Variants in SYN3 observed in about 807,000 individuals in gnomAD.
SYN3 encodes the protein synapsin III.
SYN3 carries 35 observed loss-of-function variants against 65.8 expected under a neutral mutation model. The ratio of observed to expected loss-of-function variants is 0.53; its 90% CI spans 0.41 to 0.70. SYN3 has a LOEUF of 0.70. Among genes scored for constraint, SYN3 ranks in the 30% least tolerant of loss-of-function variants. The pLI is 0.00. For synonymous variants in SYN3, 270 were observed against 292.9 expected (o/e 0.92, Z 0.80); for missense variants, 680 against 749.0 (o/e 0.91, Z 1.08).
chr22:32,921,104 T>C (rs2050324186), intron 4 of SYN3, among the ~76,000 whole-genome samples: 1 of 152,148 alleles, frequency 6.6e-6, no homozygotes, highest in Non-Finnish European at 1.5e-5. Flanking sequence ...CTCCATAAGT[T>C]GCCCCTTCCT....
chr22:32,569,569 C>CTA (rs1481673554), intron 7 of SYN3, among the ~76,000 whole-genome samples: 1,014 of 76,314 alleles, frequency 0.013, 8 homozygotes, highest in South Asian at 0.017. Flanking sequence ...CTCTCTCTCT[C>CTA]TCTATATATA....
chr22:32,633,681 G>C (rs2059777267), intron 6 of SYN3, among the ~76,000 whole-genome samples: 1 of 152,208 alleles, frequency 6.6e-6, no homozygotes, highest in African/African-American at 2.4e-5. Flanking sequence ...GGAGTGCAGT[G>C]ATGTGATCAC....
intron 6 of SYN3, among the ~76,000 whole-genome samples, chr22:32,710,156 A>T (rs1449658850): frequency 6.7e-6 from 1 of 149,672 alleles, no homozygotes; most frequent in Admixed American, 6.6e-5. Context: ...ACATATTTCC[A>T]GATATGCCCT....
At position 32,577,456 on chromosome 22, in the gene SYN3, A is replaced by G. The variant is rs565474597; in HGVS notation, c.774+19218T>C. 3.3e-5 allele frequency among the ~76,000 whole-genome samples: 5 copies of G among 152,230 alleles called. No individual in the cohort carries two copies. In the South Asian group the frequency reaches 6.2e-4, roughly 19 times the overall value. On this transcript the variant is annotated intron_variant, in intron 7 of 13. Transcript: ENST00000358763. ...GACCCCCTTGGGAGGCCCAATGTCC[A>G]TTCATCTTTGGATCCTCACACTGTT... is the stretch of plus-strand genomic sequence containing the variant.
rs1054134869 is a variant in SYN3 at position 32,764,473 on chromosome 22, G to A, written c.711+100442C>T. 5.3e-5 allele frequency among the ~76,000 whole-genome samples: 8 copies of A among 152,124 alleles called. No individual in the cohort carries two copies. The South Asian group carries it at 1.0e-3, about 20-fold the overall frequency. ...AATGACCCAACAGCCTCACTGCTGC[G>A]GGTGCTGGAGGAACCAGTGGGCTGC... On this transcript the variant is annotated intron_variant, in intron 6 of 13. Transcript: ENST00000358763.
chr22:32,830,059 T>C (rs1292481753), intron 6 of SYN3, among the ~76,000 whole-genome samples: 1 of 152,132 alleles, frequency 6.6e-6, no homozygotes, highest in African/African-American at 2.4e-5. Context: ...CAAGAGTAAG[T>C]GGGGCAGCCG....
chr22:32,946,690 TA>T (rs1230893412), intron 3 of SYN3, among the ~76,000 whole-genome samples: 1 of 151,906 alleles, frequency 6.6e-6, no homozygotes, highest in East Asian at 1.9e-4. Context: ...TAAAGTATAA[TA>T]AAAAAAACTT....
At chr22:32,759,137 G>C (rs2045380858) in intron 6 of SYN3, among the ~76,000 whole-genome samples, 2 of 152,156 alleles carry the variant, frequency 1.3e-5, no homozygotes, top group Non-Finnish European at 2.9e-5. Flanking sequence ...AGAAGCAAGA[G>C]GAGGTGGAAG....
intron 4 of SYN3, among the ~76,000 whole-genome samples, chr22:32,925,939 G>A (rs547215627): frequency 2.9e-5 from 4 of 138,594 alleles, no homozygotes; most frequent in East Asian, 2.2e-4. Flanking sequence ...TGCAGCATCC[G>A]CTCCCAGGTT....
chr22:32,651,400 T>C (rs2060068075), intron 6 of SYN3, among the ~76,000 whole-genome samples: 1 of 152,090 alleles, frequency 6.6e-6, no homozygotes, highest in African/African-American at 2.4e-5. Context: ...TTAGGAGGTC[T>C]CCAGCTGGCC....
At chr22:32,757,294 CTTTTTT>C (rs148259174) in intron 6 of SYN3, among the ~76,000 whole-genome samples, 1 of 113,192 alleles carries the variant, frequency 8.8e-6, no homozygotes, top group Non-Finnish European at 1.8e-5. Context: ...CTCCTCCTAC[CTTTTTT>C]TTTTTTTTTT....
At chr22:32,769,768 C>T (rs1424892027) in intron 6 of SYN3, among the ~76,000 whole-genome samples, 4 of 152,032 alleles carry the variant, frequency 2.6e-5, no homozygotes, top group Admixed American at 6.5e-5. Flanking sequence ...CCGCCTGTCT[C>T]GGCCTCCCAA....
intron 2 of SYN3, among the ~76,000 whole-genome samples, chr22:32,984,498 C>T (rs2052467830): frequency 6.6e-6 from 1 of 152,112 alleles, no homozygotes; most frequent in Non-Finnish European, 1.5e-5. Flanking sequence ...TTTGGCCACC[C>T]CTTGGAAAAT....
intron 6 of SYN3, among the ~76,000 whole-genome samples, chr22:32,723,230 C>A (rs541008319): frequency 3.3e-5 from 5 of 152,302 alleles, no homozygotes; most frequent in African/African-American, 1.2e-4. Flanking sequence ...CCTGACTTGA[C>A]CACTTGAAGG....
intron 6 of SYN3, among the ~76,000 whole-genome samples, chr22:32,639,355 T>C (rs2059864029): frequency 6.6e-6 from 1 of 152,078 alleles, no homozygotes; most frequent in African/African-American, 2.4e-5. Flanking sequence ...AATAAGGGAG[T>C]CCTTTCCCCA....
At chr22:32,993,869 A>G (rs1445634704) in intron 2 of SYN3, among the ~76,000 whole-genome samples, 1 of 152,190 alleles carries the variant, frequency 6.6e-6, no homozygotes, top group Non-Finnish European at 1.5e-5. Context: ...GCAGCCAAGA[A>G]GAGAGAAATT....
At chr22:32,610,874 G>A (rs1018288916) in intron 6 of SYN3, among the ~76,000 whole-genome samples, 29 of 152,162 alleles carry the variant, frequency 1.9e-4, no homozygotes, top group African/African-American at 7.2e-5. Flanking sequence ...GAGCCACTGC[G>A]TCCAGCCACT....
intron 6 of SYN3, among the ~76,000 whole-genome samples, chr22:32,856,949 C>A (rs2048386190): frequency 6.6e-6 from 1 of 152,216 alleles, no homozygotes; most frequent in Non-Finnish European, 1.5e-5. Context: ...CTTAGCAAAA[C>A]GACCTCCAGT....
chr22:32,520,940 C>T (rs1411540399), intron 12 of SYN3, among the ~76,000 whole-genome samples: 1 of 152,182 alleles, frequency 6.6e-6, no homozygotes, highest in Non-Finnish European at 1.5e-5. Context: ...TCAAACATCC[C>T]TCCCGATCTG....
Sources: allele counts gnomAD v4.1 joint callset (sites outside exome capture counted in the v4.1 genomes callset), GRCh38; gene constraint gnomAD v4.1.1; transcripts MANE v1.5; gene names NCBI Gene and HGNC (gene_info 2026-07-23, HGNC 2026-07-21).